BRWD1: variants seen among roughly 807,000 people sequenced by gnomAD.
The protein encoded by BRWD1 is bromodomain and WD repeat domain containing 1, also known as bromodomain and WD repeat-containing protein 1.
Under a neutral mutation model 251.2 loss-of-function variants are expected in BRWD1, and 82 were observed. That is an observed-to-expected ratio of 0.33 (90% CI 0.27 to 0.39). The LOEUF (loss-of-function observed/expected upper bound fraction) is 0.39, where lower values mean the gene tolerates loss of function less well. BRWD1 is among the 10% of genes least tolerant of loss of function. BRWD1 has a pLI of 1.00. For synonymous variants in BRWD1, 918 were observed against 902.8 expected, an observed-to-expected ratio of 1.02 and a Z score of -0.30; for missense variants, 2,233 against 2,711.6, an observed-to-expected ratio of 0.82 and a Z score of 3.92.
chr21:39,247,003 G>A (rs1371226287), intron 21 of BRWD1, among the ~76,000 whole-genome samples: 2 of 152,152 alleles, frequency 1.3e-5, no homozygotes, highest in African/African-American at 2.4e-5. Context: ...GCTTGAACCC[G>A]GGAGGCAGAG....
intron 15 of BRWD1, among the ~76,000 whole-genome samples, chr21:39,267,877 T>C (rs1458495143): frequency 2.0e-5 from 3 of 152,166 alleles, no homozygotes; most frequent in African/African-American, 7.2e-5. Flanking sequence ...CAAAAATACA[T>C]CTGTAAATTC....
At chr21:39,232,566 A>T in intron 23 of BRWD1, 68 bp from the exon 24 acceptor site, 1 of 1,529,660 alleles carries the variant, frequency 6.5e-7, no homozygotes, top group Non-Finnish European at 8.7e-7. Flanking sequence ...TGAATGAAAA[A>T]TAAAAGAAAC....
At chr21:39,284,872 T>C (rs1213904947) in intron 8 of BRWD1, among the ~76,000 whole-genome samples, 2 of 152,254 alleles carry the variant, frequency 1.3e-5, no homozygotes, top group African/African-American at 4.8e-5. Flanking sequence ...TCAGGTTGTC[T>C]CTTCGATCTA....
In BRWD1 at chr21:39,189,230, G is replaced by A. The variant is rs563719648; in HGVS notation, c.*7029C>T. 6.5e-5 allele frequency: 64 copies of A among 985,094 alleles called. No individual in the cohort carries two copies. In the African/African-American group the frequency reaches 1.0e-3, roughly 16 times the overall value. 61.0% of individuals were successfully genotyped at this position (985,094 alleles called of 1,614,324 possible). A position where few individuals can be genotyped will look rare whatever the true frequency, so the allele number is the denominator to read the frequency against. The stretch of plus-strand genomic sequence containing the variant: ...GAGAATATACTATTATCAACTAGCT[G>A]CACCATTTGCATTTGGAAGAAAAGA... On this transcript the variant is annotated 3_prime_UTR_variant, in exon 41 of 41. Transcript: ENST00000342449.
intron 22 of BRWD1, 59 bp downstream of exon 22, chr21:39,238,420 G>A: frequency 7.4e-7 from 1 of 1,352,210 alleles, no homozygotes. Flanking sequence ...ATTCAAGTAT[G>A]ATTCCATCCA....
Position 39,199,623 on chromosome 21 carries a change from G to A in BRWD1, c.4793C>T (p.Thr1598Ile). The part of the protein sequence containing the change: ...SLANGCGRKA[T>I]RKRVYLSDSD... Reference sequence around the variant, plus strand: ...ATCACTTAAATAGACTCTCTTTCGAGTGGCTTTTCTGCCACATCCATTTGC... The same window carrying A: ...ATCACTTAAATAGACTCTCTTTCGAATGGCTTTTCTGCCACATCCATTTGC... The change falls in exon 40 of 41, where the codon ACT becomes ATT. Residue 1598 changes from threonine (T) to isoleucine (I), a missense_variant. Around this residue, in one of 12 missense-constraint regions of BRWD1, gnomAD observed 928 missense variants for 970.0 expected, o/e 0.96. Coordinates refer to ENST00000342449, the MANE Select transcript of BRWD1 (RefSeq NM_033656.4). 6.2e-7 allele frequency: 1 copy of A among 1,611,794 alleles called. No homozygotes were observed. Among genetic ancestry groups the A allele is most frequent in the Non-Finnish European group, 8.5e-7 (1 of 1,179,412 alleles).
At chr21:39,218,392 A>G (rs2033040679) in intron 30 of BRWD1, 113 bp downstream of exon 30, 2 of 1,434,384 alleles carry the variant, frequency 1.4e-6, no homozygotes, top group African/African-American at 2.9e-5. Flanking sequence ...TTAAAAGATA[A>G]CCAATACAAA....
At chr21:39,243,927 A>T (rs914157) in intron 21 of BRWD1, among the ~76,000 whole-genome samples, 141,067 of 152,262 alleles carry the variant, frequency 0.93, 65,699 homozygotes, top group African/African-American at 0.97. Flanking sequence ...AGAACTTTCA[A>T]GTCTGAAATT....
intron 32 of BRWD1, among the ~76,000 whole-genome samples, chr21:39,213,952 T>C (rs1056578290): frequency 4.0e-5 from 6 of 150,522 alleles, no homozygotes; most frequent in East Asian, 3.9e-4. Context: ...GAAAAAGGAA[T>C]TGAAATTAAA....
At chr21:39,303,559 A>G (rs2036189080) in intron 4 of BRWD1, among the ~76,000 whole-genome samples, 1 of 151,126 alleles carries the variant, frequency 6.6e-6, no homozygotes, top group Non-Finnish European at 1.5e-5. Context: ...AAATGAAGAA[A>G]AGGAATAGTT....
At chr21:39,230,142 C>T in intron 25 of BRWD1, among the ~76,000 whole-genome samples, 1 of 152,178 alleles carries the variant, frequency 6.6e-6, no homozygotes, top group South Asian at 2.1e-4. Flanking sequence ...AAGTTTCTGC[C>T]TAATACATTC....
At chr21:39,222,355 T>A (rs2033211935) in intron 29 of BRWD1, among the ~76,000 whole-genome samples, 1 of 152,178 alleles carries the variant, frequency 6.6e-6, no homozygotes. Flanking sequence ...TAACAAGAAA[T>A]ATCTTGGTTT....
chr21:39,314,147 G>A (rs900574353), upstream of BRWD1: 6 of 455,848 alleles, frequency 1.3e-5, no homozygotes, highest in Non-Finnish European at 2.6e-5. Flanking sequence ...CTCGCTTCGA[G>A]GACAGGAAAG....
intron 31 of BRWD1, 124 bp downstream of exon 31, chr21:39,218,025 AAAG>A (rs1206087512): frequency 3.8e-6 from 4 of 1,049,706 alleles, no homozygotes; most frequent in Non-Finnish European, 3.9e-6. Flanking sequence ...TCTGACAATG[AAAG>A]AGAATAATGA....
At chr21:39,197,518 G>T in intron 40 of BRWD1, 103 bp from the exon 41 acceptor site, 5 of 911,942 alleles carry the variant, frequency 5.5e-6, no homozygotes, top group Non-Finnish European at 6.6e-6. Flanking sequence ...TTTGAAGGGG[G>T]TATTGCAGTG....
chr21:39,238,910 A>T (rs1160556314), intron 21 of BRWD1, among the ~76,000 whole-genome samples: 1 of 152,130 alleles, frequency 6.6e-6, no homozygotes, highest in Non-Finnish European at 1.5e-5. Flanking sequence ...GATGTATCTA[A>T]TTGTTGTTCT....
chr21:39,214,864 AGAT>A (rs991358127), intron 32 of BRWD1, among the ~76,000 whole-genome samples: 3 of 143,256 alleles, frequency 2.1e-5, no homozygotes, highest in Non-Finnish European at 3.0e-5. Flanking sequence ...AAACAAAACT[AGAT>A]GATTTTTTTT....
Position 39,196,491 on chromosome 21 carries a change from G to C in BRWD1, c.6578C>G (p.Thr2193Ser). 3 of 1,613,436 alleles carry C rather than the reference G, an allele frequency of 1.9e-6. No homozygotes were observed. Among genetic ancestry groups the C allele is most frequent in the Non-Finnish European group, 2.5e-6 (3 of 1,179,710 alleles). ...AGTTTTAGATATGTTAGCTGTAAAA[G>C]TTTTACCTTTTCTAACTACTTTTGC... ...GKAKVVRKGK[T>S]FTANISKTVR... The change falls in exon 41 of 41, where the codon ACT (threonine) becomes AGT (serine). Residue 2193 changes from threonine to serine, a missense_variant. Physicochemically the swap from Thr to Ser is moderately conservative, Grantham distance 58. Coordinates refer to ENST00000342449, the MANE Select transcript of BRWD1 (RefSeq NM_033656.4).
chr21:39,274,297 C>CAGAGCGAGAGAG (rs1364138608), intron 13 of BRWD1, 77 bp downstream of exon 13: 2 of 1,077,420 alleles, frequency 1.9e-6, no homozygotes, highest in Non-Finnish European at 2.8e-6. Flanking sequence ...CTGAGAGACA[C>CAGAGCGAGAGAG]AGAGAGCGAG....
Sources: allele counts gnomAD v4.1 joint callset (sites outside exome capture counted in the v4.1 genomes callset), GRCh38; gene constraint gnomAD v4.1.1; regional missense constraint gnomAD v4.1.1; transcripts MANE v1.5; gene names NCBI Gene and HGNC (gene_info 2026-07-23, HGNC 2026-07-21).